CAPRIN1: variants seen among roughly 807,000 people sequenced by gnomAD.
CAPRIN1 encodes cell cycle associated protein 1.
CAPRIN1 carries 29 observed loss-of-function variants against 100.9 expected under a neutral mutation model. That is an observed-to-expected ratio of 0.29 (90% CI 0.21 to 0.39). The LOEUF is 0.39. CAPRIN1 is among the 10% of genes least tolerant of loss of function. CAPRIN1 has a pLI of 1.00. For missense variants in CAPRIN1, 795 were observed against 876.7 expected, an observed-to-expected ratio of 0.91 and a Z score of 1.18; for synonymous variants, 338 against 307.5, an observed-to-expected ratio of 1.10 and a Z score of -1.04.
intron 4 of CAPRIN1, among the ~76,000 whole-genome samples, chr11:34,073,422 A>G (rs1410250133): frequency 3.3e-5 from 5 of 152,184 alleles, no homozygotes; most frequent in Non-Finnish European, 5.9e-5. Context: ...TATTTGATGC[A>G]TAACTAATAT....
At chr11:34,059,821 A>G (rs1252188061) in intron 2 of CAPRIN1, among the ~76,000 whole-genome samples, 1 of 151,324 alleles carries the variant, frequency 6.6e-6, no homozygotes, top group African/African-American at 2.4e-5. Flanking sequence ...TTTTTTCCTG[A>G]AGGGTTTTTT....
intron 2 of CAPRIN1, among the ~76,000 whole-genome samples, chr11:34,060,964 A>C (rs1038371304): frequency 6.6e-6 from 1 of 152,210 alleles, no homozygotes; most frequent in South Asian, 2.1e-4. Flanking sequence ...TTTTAAGAAT[A>C]TAGTTCAAAG....
chr11:34,090,194 T>A lies in CAPRIN1; in HGVS notation c.1309T>A (p.Ser437Thr). 6.2e-7 allele frequency: 1 copy of A among 1,611,096 alleles called. No homozygotes were observed. The highest frequency in any genetic ancestry group is 8.5e-7 in the Non-Finnish European group (1 of 1,177,364). ...TTATGTCTAGGTTCCTTTGGTATCA[T>A]CCACAAGTGAGGGGTACACAGCATC... ...PEATQVPLVS[S>T]TSEGYTASQP... The change falls in exon 13 of 19, where the codon TCC (serine) becomes ACC (threonine). Residue 437 changes from serine to threonine, a missense_variant. Coordinates refer to ENST00000341394, the MANE Select transcript of CAPRIN1 (RefSeq NM_005898.5).
chr11:34,073,711 C>T (rs1197035824), intron 4 of CAPRIN1, among the ~76,000 whole-genome samples: 9 of 152,156 alleles, frequency 5.9e-5, no homozygotes, highest in African/African-American at 9.7e-5. Context: ...CAGTGTGAGC[C>T]AACGTGCCTA....
chr11:34,064,030 A>T (rs1193225835), intron 2 of CAPRIN1, among the ~76,000 whole-genome samples: 1 of 152,116 alleles, frequency 6.6e-6, no homozygotes, highest in East Asian at 1.9e-4. Flanking sequence ...GGCCTCCCAG[A>T]GTGCTGGGAT....
Position 34,086,195 on chromosome 11 carries a change from G to A in CAPRIN1, c.1098G>A (p.Met366Ile), listed in dbSNP as rs765795853. 5 of 1,613,964 alleles carry A rather than the reference G, an allele frequency of 3.1e-6. No homozygotes were observed. The South Asian group carries it at 3.3e-5, about 11-fold the overall frequency. ...GAGTACAAGACCTTATGGCACAAAT[G>A]CAGGGTCCCTATAATTTCATACAGG... ...RQRVQDLMAQ[M>I]QGPYNFIQDS... Residue 366 changes from methionine to isoleucine, a missense_variant, in exon 10 of 19, where the codon ATG becomes ATA. Met to Ile is a conservative substitution (Grantham distance 10). Coordinates refer to ENST00000341394, the MANE Select transcript of CAPRIN1 (RefSeq NM_005898.5).
chr11:34,097,339 C>A, intron 17 of CAPRIN1, 43 bp downstream of exon 17: 1 of 1,395,700 alleles, frequency 7.2e-7, no homozygotes, highest in Non-Finnish European at 1.0e-6. Context: ...ACTAAATATA[C>A]CAATGAAAGT....
rs1851138713 is a variant in CAPRIN1, at chr11:34,086,125, C to G, written c.1028C>G (p.Ser343Cys). The G allele has an allele frequency of 6.2e-7, 1 of 1,613,984 alleles. No homozygotes were observed. Among genetic ancestry groups the G allele is most frequent in the Non-Finnish European group, 8.5e-7 (1 of 1,179,978 alleles). ...TCCCCTTCAGTACCAGAGCCCCACT[C>G]TTTGACTCCAGTGGCTCAGGCAGAT... is the stretch of plus-strand genomic sequence containing the variant. ...AASPSVPEPH[S>C]LTPVAQADPL... The change falls in exon 10 of 19, where the codon TCT becomes TGT. Residue 343 changes from serine to cysteine, a missense_variant. This residue lies in a region of CAPRIN1 where 648 missense variants were observed against 697.9 expected (regional missense o/e 0.93). Transcript: ENST00000341394.
At chr11:34,079,563 G>T in intron 6 of CAPRIN1, 65 bp from the exon 7 acceptor site, 1 of 1,319,410 alleles carries the variant, frequency 7.6e-7, no homozygotes, top group Non-Finnish European at 1.1e-6. Context: ...ATAGAATGTT[G>T]GATCTTCTTC....
rs530970817 is a variant in CAPRIN1 at position 34,093,769 on chromosome 11, A to G, written c.1705+1713A>G. 5.5e-4 allele frequency among the ~76,000 whole-genome samples: 81 copies of G among 146,274 alleles called. 1 individual carries two copies. The highest frequency in any genetic ancestry group is 1.9e-3 in the African/African-American group (77 of 39,740). The stretch of plus-strand genomic sequence containing the variant: ...CTCCTACCTCAGTCTCCCAAGTAGC[A>G]CAGGCCACCATGCCTGGCTAATTTT... On this transcript the variant is annotated intron_variant, in intron 15 of 18. Transcript: ENST00000341394.
At chr11:34,079,865 C>T in intron 7 of CAPRIN1, 100 bp downstream of exon 7, 3 of 957,624 alleles carry the variant, frequency 3.1e-6, no homozygotes, top group Middle Eastern at 2.8e-4. Flanking sequence ...CATATATGTA[C>T]ACTAGATTTT....
At chr11:34,091,332 G>C (rs561521536) in intron 14 of CAPRIN1, among the ~76,000 whole-genome samples, 1 of 152,320 alleles carries the variant, frequency 6.6e-6, no homozygotes, top group South Asian at 2.1e-4. Flanking sequence ...CGTCGCCCAG[G>C]CTGGAGTGTA....
chr11:34,071,255 G>C (rs143811328), intron 2 of CAPRIN1, among the ~76,000 whole-genome samples: 1 of 152,228 alleles, frequency 6.6e-6, no homozygotes, highest in African/African-American at 2.4e-5. Context: ...AATGGTTGGA[G>C]TATATCTAAA....
chr11:34,090,197 A>G lies in CAPRIN1; in HGVS notation c.1312A>G (p.Thr438Ala), dbSNP rs1851235422. 4 of 1,612,278 alleles carry G rather than the reference A, an allele frequency of 2.5e-6. No individual in the cohort carries two copies. The highest frequency in any genetic ancestry group is 1.3e-5 in the African/African-American group (1 of 74,852). Residue 438 changes from threonine (T) to alanine (A), a missense_variant, in exon 13 of 19, where the codon ACA becomes GCA. Thr to Ala is a moderately conservative substitution (Grantham distance 58). This residue lies in a region of CAPRIN1 where 648 missense variants were observed against 697.9 expected (regional missense o/e 0.93). Transcript: ENST00000341394. ...TGTCTAGGTTCCTTTGGTATCATCC[A>G]CAAGTGAGGGGTACACAGCATCTCA... ...EATQVPLVSSTSEGYTASQPL... is the reference protein window; with the variant it reads ...EATQVPLVSSASEGYTASQPL...
intron 11 of CAPRIN1, among the ~76,000 whole-genome samples, chr11:34,088,217 A>G (rs1851189318): frequency 1.3e-5 from 2 of 152,184 alleles, no homozygotes; most frequent in South Asian, 4.2e-4. Flanking sequence ...GTTGGCCAGG[A>G]TGGTGTCAAT....
chr11:34,078,365 A>G, intron 6 of CAPRIN1, among the ~76,000 whole-genome samples: 1 of 152,316 alleles, frequency 6.6e-6, no homozygotes, highest in Non-Finnish European at 1.5e-5. Flanking sequence ...ATCTATTAAT[A>G]ATACACAAGC....
intron 2 of CAPRIN1, among the ~76,000 whole-genome samples, chr11:34,069,567 G>T (rs767324309): frequency 5.3e-4 from 81 of 152,146 alleles, no homozygotes; most frequent in Non-Finnish European, 7.1e-4. Context: ...AAAAGAGAAT[G>T]AACTATCTGT....
intron 2 of CAPRIN1, among the ~76,000 whole-genome samples, chr11:34,061,059 A>G (rs527482022): frequency 6.6e-6 from 1 of 152,336 alleles, no homozygotes; most frequent in South Asian, 2.1e-4. Context: ...GCATAATTAT[A>G]ACCTTGGACA....
chr11:34,077,185 C>A lies in CAPRIN1; in HGVS notation c.688+543C>A, dbSNP rs1020446087. 3.3e-5 allele frequency among the ~76,000 whole-genome samples: 5 copies of A among 152,182 alleles called. No homozygotes were observed. The East Asian group carries it at 9.6e-4, about 29-fold the overall frequency. ...AAATCAGAACACCAGCAACAAACAA[C>A]TAAAACTGGGAATATGATAGTCCTA... On this transcript the variant is annotated intron_variant, in intron 6 of 18. Coordinates refer to ENST00000341394, the MANE Select transcript of CAPRIN1 (RefSeq NM_005898.5).
Sources: allele counts gnomAD v4.1 joint callset (sites outside exome capture counted in the v4.1 genomes callset), GRCh38; gene constraint gnomAD v4.1.1; regional missense constraint gnomAD v4.1.1; transcripts MANE v1.5; gene names NCBI Gene and HGNC (gene_info 2026-07-23, HGNC 2026-07-21).